MGMT: variants seen among roughly 807,000 people sequenced by gnomAD.
The protein encoded by MGMT is O-6-methylguanine-DNA methyltransferase.
Under a neutral mutation model 15.9 loss-of-function variants are expected in MGMT, and 14 were observed. The observed-to-expected ratio is 0.88, with a 90% confidence interval of 0.58 to 1.37. The LOEUF is 1.37. Among genes scored for constraint, MGMT ranks in the 40% most tolerant of loss-of-function variants. The pLI is 0.00. For missense variants in MGMT, 282 were observed against 268.1 expected, an observed-to-expected ratio of 1.05 and a Z score of -0.36; for synonymous variants, 130 against 118.2, an observed-to-expected ratio of 1.10 and a Z score of -0.65.
chr10:129,678,230 G>A (rs76491206), intron 2 of MGMT, among the ~76,000 whole-genome samples: 11,973 of 152,256 alleles, frequency 0.079, 690 homozygotes, highest in Admixed American at 0.17. Context: ...GATGAGTACT[G>A]TGTCTCCAAG....
intron 3 of MGMT, among the ~76,000 whole-genome samples, chr10:129,757,463 G>A (rs61876578): frequency 0.11 from 16,215 of 152,126 alleles, 969 homozygotes; most frequent in Middle Eastern, 0.17. Flanking sequence ...AACACCTAAC[G>A]GAAAGCACAG....
Position 129,611,599 on chromosome 10 carries a change from A to G in MGMT, c.125+75222A>G, listed in dbSNP as rs1846961351. ...GAAGTGCATACTGCAGGATCGGGCA[A>G]GGGAGAAGCAGGGGCTTGCATTATG... On this transcript the variant is annotated intron_variant, in intron 2 of 4. Transcript: ENST00000651593. Among the ~76,000 whole-genome samples the G allele has an allele frequency of 1.3e-5, 2 of 152,346 alleles. 1 individual carries two copies. The highest frequency in any genetic ancestry group is 4.1e-4 in the South Asian group (2 of 4,826).
chr10:129,755,361 G>A (rs1363922731), intron 3 of MGMT, among the ~76,000 whole-genome samples: 1 of 152,260 alleles, frequency 6.6e-6, no homozygotes, highest in African/African-American at 2.4e-5. Flanking sequence ...GGGATGTCCT[G>A]CAGGAGCTGA....
intron 3 of MGMT, among the ~76,000 whole-genome samples, chr10:129,746,166 G>T (rs1469914840): frequency 6.6e-6 from 1 of 150,906 alleles, no homozygotes; most frequent in Admixed American, 6.6e-5. Context: ...GTGAACCCGG[G>T]AGGCAGAGCT....
At chr10:129,668,604 C>A (rs1847686515) in intron 2 of MGMT, among the ~76,000 whole-genome samples, 1 of 152,166 alleles carries the variant, frequency 6.6e-6, no homozygotes, top group East Asian at 1.9e-4. Flanking sequence ...GTCCTATTTG[C>A]TTATTCTCCC....
At chr10:129,596,169 A>G (rs1305240241) in intron 2 of MGMT, among the ~76,000 whole-genome samples, 1 of 151,422 alleles carries the variant, frequency 6.6e-6, no homozygotes, top group South Asian at 2.1e-4. Context: ...GAGTTTTAGC[A>G]TGGTATTTTC....
chr10:129,468,765 A>C (rs1332616473), intron 1 of MGMT, among the ~76,000 whole-genome samples: 1 of 152,000 alleles, frequency 6.6e-6, no homozygotes, highest in Non-Finnish European at 1.5e-5. Flanking sequence ...CATGCTGGTA[A>C]TCCCAGTTAC....
At chr10:129,504,151 C>A (rs1184124919) in intron 1 of MGMT, among the ~76,000 whole-genome samples, 2 of 152,174 alleles carry the variant, frequency 1.3e-5, no homozygotes, top group Non-Finnish European at 2.9e-5. Context: ...GCCTTCAGAA[C>A]AGGAATGCTT....
At chr10:129,631,217 A>T (rs1158866180) in intron 2 of MGMT, among the ~76,000 whole-genome samples, 2 of 152,058 alleles carry the variant, frequency 1.3e-5, no homozygotes, top group African/African-American at 2.4e-5. Flanking sequence ...CAGCTGTGAC[A>T]ACGTAGCCTG....
rs145675946 is a variant in MGMT, at chr10:129,505,394, T to A, written c.-12-30847T>A. Among the ~76,000 whole-genome samples, 103 of 152,322 alleles carry A rather than the reference T, an allele frequency of 6.8e-4. 1 individual carries two copies. The East Asian group carries it at 0.017, about 25-fold the overall frequency. On this transcript the variant is annotated intron_variant, in intron 1 of 4. Coordinates refer to ENST00000651593, the MANE Select transcript of MGMT (RefSeq NM_002412.5). Reference sequence around the variant, plus strand: ...GTTAAAATAGGGGGCTGACAACATATCAAATACCTGTGTAATTTAATATTA... The same window carrying A: ...GTTAAAATAGGGGGCTGACAACATAACAAATACCTGTGTAATTTAATATTA...
chr10:129,636,577 C>T (rs200485261), intron 2 of MGMT, among the ~76,000 whole-genome samples: 2 of 152,232 alleles, frequency 1.3e-5, no homozygotes, highest in East Asian at 1.9e-4. Context: ...GAATAGAAGT[C>T]GTGATAATGG....
At chr10:129,486,942 T>C (rs1379228578) in intron 1 of MGMT, among the ~76,000 whole-genome samples, 2 of 152,192 alleles carry the variant, frequency 1.3e-5, no homozygotes, top group East Asian at 3.8e-4. Context: ...CAGTTAAATG[T>C]AATAGTGGTG....
At chr10:129,486,181 T>C (rs80326400) in intron 1 of MGMT, among the ~76,000 whole-genome samples, 6 of 146,888 alleles carry the variant, frequency 4.1e-5, no homozygotes, top group Non-Finnish European at 7.5e-5. Context: ...TCTTCTCTTT[T>C]TTTTTTTTTT....
chr10:129,716,145 G>A (rs566446723), intron 3 of MGMT, among the ~76,000 whole-genome samples: 29 of 152,252 alleles, frequency 1.9e-4, no homozygotes, highest in African/African-American at 6.5e-4. Context: ...CGAAATCGAG[G>A]AAAAGAAAGT....
Position 129,750,033 on chromosome 10 carries a change from A to T in MGMT, c.275-9169A>T, listed in dbSNP as rs537284067. Among the ~76,000 whole-genome samples the T allele has an allele frequency of 1.1e-4, 17 of 152,090 alleles. No individual in the cohort carries two copies. The South Asian group carries it at 3.5e-3, about 32-fold the overall frequency. On this transcript the variant is annotated intron_variant, in intron 3 of 4. Transcript: ENST00000651593. Reference sequence around the variant, plus strand: ...ATTTTAGATGCAAGTCTTTTTTCAGATATGTGTCTTACATATATCTTCTCC... The same window carrying T: ...ATTTTAGATGCAAGTCTTTTTTCAGTTATGTGTCTTACATATATCTTCTCC...
chr10:129,683,192 A>G (rs1488041568), intron 2 of MGMT, among the ~76,000 whole-genome samples: 2 of 152,186 alleles, frequency 1.3e-5, no homozygotes, highest in Non-Finnish European at 2.9e-5. Flanking sequence ...AGAGCAGGGA[A>G]TGGCGTTGGC....
At chr10:129,572,335 T>A (rs1023030385) in intron 2 of MGMT, among the ~76,000 whole-genome samples, 1 of 152,240 alleles carries the variant, frequency 6.6e-6, no homozygotes, top group East Asian at 1.9e-4. Context: ...AAATCTTAGA[T>A]TAACACTGAA....
At chr10:129,551,070 C>T (rs1323063935) in intron 2 of MGMT, among the ~76,000 whole-genome samples, 1 of 152,120 alleles carries the variant, frequency 6.6e-6, no homozygotes, top group Non-Finnish European at 1.5e-5. Context: ...AAACCCGAGG[C>T]CCAGAGGTGC....
chr10:129,619,039 A>C (rs1589896931), intron 2 of MGMT, among the ~76,000 whole-genome samples: 1 of 152,162 alleles, frequency 6.6e-6, no homozygotes, highest in South Asian at 2.1e-4. Flanking sequence ...GGAGTTGGGG[A>C]AGTAAACATC....
Sources: allele counts gnomAD v4.1 joint callset (sites outside exome capture counted in the v4.1 genomes callset), GRCh38; gene constraint gnomAD v4.1.1; transcripts MANE v1.5; gene names NCBI Gene and HGNC (gene_info 2026-07-23, HGNC 2026-07-21).